KCNMA1: variants seen among roughly 807,000 people sequenced by gnomAD.
KCNMA1 encodes the protein potassium calcium-activated channel subfamily M alpha 1.
KCNMA1 carries 29 observed loss-of-function variants against 140.0 expected under a neutral mutation model. The ratio of observed to expected loss-of-function variants is 0.21; its 90% CI spans 0.15 to 0.28. The LOEUF is 0.28. Ranked by LOEUF, KCNMA1 falls within the 10% of genes least tolerant of loss-of-function variation. The pLI, the probability that KCNMA1 is intolerant of heterozygous loss-of-function variation, is 1.00. For missense variants in KCNMA1, 880 were observed against 1,602.2 expected, an observed-to-expected ratio of 0.55 and a Z score of 7.70; for synonymous variants, 612 against 611.9, an observed-to-expected ratio of 1.00 and a Z score of 0.00.
At chr10:77,414,820 G>A (rs1449150959) in intron 1 of KCNMA1, among the ~76,000 whole-genome samples, 1 of 152,196 alleles carries the variant, frequency 6.6e-6, no homozygotes, top group African/African-American at 2.4e-5. Context: ...GGCTCAGAGA[G>A]ATTGGGTAAT....
chr10:77,533,482 G>A (rs946969014), intron 1 of KCNMA1, among the ~76,000 whole-genome samples: 6 of 152,230 alleles, frequency 3.9e-5, no homozygotes, highest in East Asian at 1.9e-4. Context: ...CAGGCATCCC[G>A]GGAGGAGGAA....
chr10:77,502,587 C>A (rs532027216), intron 1 of KCNMA1, among the ~76,000 whole-genome samples: 2 of 152,228 alleles, frequency 1.3e-5, no homozygotes, highest in East Asian at 3.9e-4. Flanking sequence ...GAAAGAAGAA[C>A]CCCCACATCT....
At chr10:77,519,593 AAGGTCACTCAGCTG>A (rs2052073708) in intron 1 of KCNMA1, among the ~76,000 whole-genome samples, 1 of 152,214 alleles carries the variant, frequency 6.6e-6, no homozygotes, top group South Asian at 2.1e-4. Flanking sequence ...TATCACGGCC[AAGGTCACTCAGCTG>A]GCTCCTGCTG....
At chr10:76,875,868 A>G (rs562631346), downstream of KCNMA1, 1 of 152,768 alleles carries the variant, frequency 6.5e-6, no homozygotes, top group East Asian at 1.9e-4. Flanking sequence ...TAGACTGTTG[A>G]CATCATTTTA....
At chr10:76,977,741 T>A in intron 19 of KCNMA1, 1 of 669,172 alleles carries the variant, frequency 1.5e-6, no homozygotes, top group Non-Finnish European at 2.7e-6. Context: ...GTGACTCTAC[T>A]GTCCCTACCA....
intron 2 of KCNMA1, among the ~76,000 whole-genome samples, chr10:77,357,001 A>T (rs966952220): frequency 6.6e-6 from 1 of 152,260 alleles, no homozygotes; most frequent in Non-Finnish European, 1.5e-5. Flanking sequence ...CCAATATGAT[A>T]TGCATTTGAT....
At chr10:77,367,983 A>G (rs1392117833) in intron 2 of KCNMA1, among the ~76,000 whole-genome samples, 1 of 152,226 alleles carries the variant, frequency 6.6e-6, no homozygotes, top group Non-Finnish European at 1.5e-5. Context: ...GGTAATTATG[A>G]ATAGAGATGC....
At chr10:77,387,516 G>A (rs1163734301) in intron 2 of KCNMA1, among the ~76,000 whole-genome samples, 2 of 145,156 alleles carry the variant, frequency 1.4e-5, no homozygotes, top group Non-Finnish European at 3.0e-5. Flanking sequence ...TCATTAGTCA[G>A]TCATGGAATT....
intron 1 of KCNMA1, among the ~76,000 whole-genome samples, chr10:77,467,617 C>A (rs1480199621): frequency 6.6e-6 from 1 of 152,228 alleles, no homozygotes; most frequent in Non-Finnish European, 1.5e-5. Context: ...CCTGCATTTG[C>A]CCCTAGGGAA....
rs55839203 is a variant in KCNMA1, at chr10:77,477,678, C to T, written c.379-73655G>A. Among the ~76,000 whole-genome samples the T allele has an allele frequency of 3.1e-3, 465 of 152,310 alleles. 5 individuals are homozygous for T. Among genetic ancestry groups the T allele is most frequent in the African/African-American group, 0.011 (437 of 41,558 alleles). On this transcript the variant is annotated intron_variant, in intron 1 of 27. Transcript: ENST00000286628. ...CTAGGAAGATAACATGCCCACTCAA[C>T]CACACTCCTTGTTGCACACCTTTCT...
intron 9 of KCNMA1, among the ~76,000 whole-genome samples, chr10:77,104,794 A>G (rs1232890454): frequency 1.3e-5 from 2 of 152,196 alleles, no homozygotes; most frequent in Non-Finnish European, 2.9e-5. Context: ...ACACTCAGGG[A>G]GGAGACCTCT....
chr10:77,219,010 A>T (rs1169732334), intron 3 of KCNMA1, among the ~76,000 whole-genome samples: 1 of 152,070 alleles, frequency 6.6e-6, no homozygotes, highest in Admixed American at 6.6e-5. Context: ...TATTTAATAA[A>T]TTTTTTAGAG....
chr10:77,030,463 A>G (rs774640573), intron 15 of KCNMA1, among the ~76,000 whole-genome samples: 1 of 152,240 alleles, frequency 6.6e-6, no homozygotes, highest in Non-Finnish European at 1.5e-5. Flanking sequence ...ATACAAAAAC[A>G]TCAGGGAGAA....
chr10:77,102,437 A>G (rs2097122124), intron 9 of KCNMA1, among the ~76,000 whole-genome samples: 1 of 152,234 alleles, frequency 6.6e-6, no homozygotes, highest in African/African-American at 2.4e-5. Context: ...AAATTCTGAT[A>G]TAAGGAAAGA....
At chr10:77,080,206 C>T (rs2096529389) in intron 12 of KCNMA1, among the ~76,000 whole-genome samples, 1 of 152,206 alleles carries the variant, frequency 6.6e-6, no homozygotes, top group Admixed American at 6.5e-5. Context: ...GAAGTTACTA[C>T]CCCTTCCCTA....
chr10:77,554,619 GAAAGAAAGAAAAGA>G (rs528452274), intron 1 of KCNMA1, among the ~76,000 whole-genome samples: 1,965 of 122,612 alleles, frequency 0.016, 54 homozygotes, highest in African/African-American at 0.057. Context: ...AAAAAAAAAA[GAAAGAAAGAAAAGA>G]AAAGAAAGAA....
chr10:77,218,462 G>A (rs781279531), intron 3 of KCNMA1, among the ~76,000 whole-genome samples: 4 of 152,134 alleles, frequency 2.6e-5, no homozygotes, highest in Non-Finnish European at 4.4e-5. Flanking sequence ...TGCTCCTGAA[G>A]ACGTGTCTCC....
intron 1 of KCNMA1, among the ~76,000 whole-genome samples, chr10:77,440,598 C>T (rs370042514): frequency 6.6e-6 from 1 of 152,132 alleles, no homozygotes; most frequent in African/African-American, 2.4e-5. Flanking sequence ...GGGAAAGATG[C>T]TGCCAGGGAG....
intron 1 of KCNMA1, among the ~76,000 whole-genome samples, chr10:77,621,849 T>TA (rs1395819217): frequency 6.6e-6 from 1 of 152,020 alleles, no homozygotes; most frequent in African/African-American, 2.4e-5. Context: ...GAGGCTGAGG[T>TA]GGGAGATTGC....
Sources: gnomAD v4.1 joint callset for allele counts (sites outside exome capture counted in the v4.1 genomes callset) on GRCh38, gnomAD v4.1.1 for gene constraint, MANE v1.5 for transcripts, NCBI Gene and HGNC (gene_info 2026-07-23, HGNC 2026-07-21) for gene names.